The following PALS2 variants were observed in gnomAD, a reference collection of about 807,000 sequenced individuals.
The protein encoded by PALS2 is protein associated with LIN7 2, MAGUK p55 family member.
In PALS2, 27 loss-of-function variants were observed where a neutral mutation model predicts 61.6. The ratio of observed to expected loss-of-function variants is 0.44; its 90% CI spans 0.32 to 0.60. The LOEUF is 0.60. Among genes scored for constraint, PALS2 ranks in the 20% least tolerant of loss-of-function variants. The pLI is 0.05. For missense variants in PALS2, 554 were observed against 639.4 expected (o/e 0.87, Z 1.44); for synonymous variants, 236 against 218.6 (o/e 1.08, Z -0.70).
Position 24,623,694 on chromosome 7 carries a change from G to A in PALS2, c.27G>A (p.Thr9=), listed in dbSNP as rs769635209. The stretch of plus-strand genomic sequence containing the variant: ...TGCAGCAAGTCTTGGAAAACCTTAC[G>A]GAGCTGCCCTCGTCTACTGGAGCAG... The part of the protein sequence containing the change: MQQVLENL[T]ELPSSTGAEE... The change falls in exon 2 of 12, where the codon ACG becomes ACA. Residue 9 remains threonine, a synonymous_variant. Transcript: ENST00000222644. The A allele has an allele frequency of 5.6e-6, 9 of 1,599,532 alleles. No individual in the cohort carries two copies. Among genetic ancestry groups the A allele is most frequent in the Middle Eastern group, 1.7e-4 (1 of 6,026 alleles).
rs1166725364 is a variant in PALS2 at position 24,687,910 on chromosome 7, C to T, written c.*296C>T. 4 of 208,608 alleles carry T rather than the reference C, an allele frequency of 1.9e-5. No individual in the cohort carries two copies. Among genetic ancestry groups the T allele is most frequent in the Non-Finnish European group, 3.8e-5 (4 of 106,392 alleles). The allele number at this position is 208,608 out of a possible 1,614,324, so 12.9% of individuals were successfully genotyped here. A position where few individuals can be genotyped will look rare whatever the true frequency, so the allele number is the denominator to read the frequency against. Reference sequence around the variant, plus strand: ...TATATGTTTTGATTTAGTACCCTTGCCTTTTTCATCAAAGGAATTTTCAAA... The same window carrying T: ...TATATGTTTTGATTTAGTACCCTTGTCTTTTTCATCAAAGGAATTTTCAAA... On this transcript the variant is annotated 3_prime_UTR_variant, in exon 12 of 12. Transcript: ENST00000222644. This position sits in a 1 kb window ranked among gnomAD's most constrained non-coding sequence, Gnocchi z 4.5.
At position 24,692,323 on chromosome 7, in the gene PALS2, C is replaced by T. The variant is rs1788514127; in HGVS notation, c.*4709C>T. 2 of 152,190 alleles carry T rather than the reference C, an allele frequency of 1.3e-5. No homozygotes were observed. Among genetic ancestry groups the T allele is most frequent in the South Asian group, 2.1e-4 (1 of 4,836 alleles). The allele number at this position is 152,190 out of a possible 1,614,324, so 9.4% of individuals were successfully genotyped here. On this transcript the variant is annotated 3_prime_UTR_variant, in exon 12 of 12. Coordinates refer to ENST00000222644, the MANE Select transcript of PALS2 (RefSeq NM_001303037.2). ...CCAAGATCCTAATTCTGACTTCTGA[C>T]TGTGTGATCTTCGATGAAATTTATA...
intron 1 of PALS2, among the ~76,000 whole-genome samples, chr7:24,585,324 C>G (rs1783018914): frequency 6.6e-6 from 1 of 151,948 alleles, no homozygotes; most frequent in Non-Finnish European, 1.5e-5. Context: ...TTGTTTGTAT[C>G]CTCTTTTATT....
chr7:24,574,965 C>T (rs1178982520), intron 1 of PALS2, among the ~76,000 whole-genome samples: 1 of 152,118 alleles, frequency 6.6e-6, no homozygotes, highest in African/African-American at 2.4e-5. Flanking sequence ...ATAGTTATGT[C>T]TTCTGAGGCC....
chr7:24,686,983 A>C (rs1584019598), intron 11 of PALS2, among the ~76,000 whole-genome samples: 1 of 152,220 alleles, frequency 6.6e-6, no homozygotes, highest in South Asian at 2.1e-4. Context: ...CACTTCTAAG[A>C]TTCTCTGATC....
chr7:24,638,317 A>ATGTTCTTTTTTTT (rs1785340072), intron 2 of PALS2, among the ~76,000 whole-genome samples: 1 of 14,254 alleles, frequency 7.0e-5, no homozygotes, highest in Non-Finnish European at 1.1e-4. Context: ...CAATTTCTGT[A>ATGTTCTTTTTTTT]TTTTCTTTTT....
At chr7:24,600,397 T>TA (rs1783676041) in intron 1 of PALS2, among the ~76,000 whole-genome samples, 1 of 152,190 alleles carries the variant, frequency 6.6e-6, no homozygotes, top group Non-Finnish European at 1.5e-5. Flanking sequence ...TAAAATATCT[T>TA]ACATAACAAG....
chr7:24,664,181 C>G (rs1452383866), intron 6 of PALS2, among the ~76,000 whole-genome samples: 5 of 152,126 alleles, frequency 3.3e-5, no homozygotes, highest in Admixed American at 2.6e-4. Flanking sequence ...ATTTGCTCCC[C>G]TCTTCTCAGA....
chr7:24,635,405 T>C (rs1285561317), intron 2 of PALS2, among the ~76,000 whole-genome samples: 1 of 152,238 alleles, frequency 6.6e-6, no homozygotes, highest in Non-Finnish European at 1.5e-5. Context: ...ATCTTATATA[T>C]CTTGCATCCT....
chr7:24,608,205 T>C (rs1381503328), intron 1 of PALS2, among the ~76,000 whole-genome samples: 1 of 152,188 alleles, frequency 6.6e-6, no homozygotes, highest in Non-Finnish European at 1.5e-5. Flanking sequence ...ATAAATGTCA[T>C]GCAGGTTTGA....
rs1475749119 is a variant in PALS2 at position 24,687,533 on chromosome 7, C to A, written c.1542C>A (p.Asp514Glu). ...FDLIIINDNL[D>E]KAFEKLQTAI... ...TGATCATCATAAATGATAATCTAGA[C>A]AAAGCCTTTGAAAAACTGCAAACTG... The change falls in exon 12 of 12, where the codon GAC (aspartate) becomes GAA (glutamate). Residue 514 changes from aspartate (D) to glutamate (E), a missense_variant. Coordinates refer to ENST00000222644, the MANE Select transcript of PALS2 (RefSeq NM_001303037.2). The surrounding 1 kb of genome is among the most constrained non-coding windows in gnomAD (Gnocchi z 4.5). 6.2e-7 allele frequency: 1 copy of A among 1,612,940 alleles called. No homozygotes were observed. Among genetic ancestry groups the A allele is most frequent in the Non-Finnish European group, 8.5e-7 (1 of 1,179,630 alleles).
At position 24,573,595 on chromosome 7, in the gene PALS2, T is replaced by A. The variant is rs1189198621; in HGVS notation, c.-3+2T>A. The stretch of plus-strand genomic sequence containing the variant: ...CGGAGGCGGCTGAGGTGCGAGCCGG[T>A]GAGTTAACTGGACCCCCACGCCGCT... On this transcript the variant is annotated splice_donor_variant, in intron 1 of 11. Transcript: ENST00000222644. LOFTEE classifies it low-confidence loss of function (5UTR_SPLICE). This position sits in a 1 kb window ranked among gnomAD's most constrained non-coding sequence, Gnocchi z 5.3. 1.1e-5 allele frequency: 4 copies of A among 365,374 alleles called. No individual in the cohort carries two copies. The Admixed American group carries it at 1.4e-4, about 13-fold the overall frequency. 22.6% of individuals were successfully genotyped at this position (365,374 alleles called of 1,614,324 possible).
chr7:24,651,384 A>G (rs1299225894), intron 5 of PALS2, among the ~76,000 whole-genome samples: 5 of 152,158 alleles, frequency 3.3e-5, no homozygotes, highest in Non-Finnish European at 7.4e-5. Context: ...CTTAGGTTCA[A>G]ATACCAGTGC....
chr7:24,638,317 A>ATTT (rs1562631729), intron 2 of PALS2, among the ~76,000 whole-genome samples: 12 of 14,254 alleles, frequency 8.4e-4, no homozygotes, highest in Non-Finnish European at 7.6e-4. Context: ...CAATTTCTGT[A>ATTT]TTTTCTTTTT....
chr7:24,672,911 C>T (rs1161106389), intron 9 of PALS2, among the ~76,000 whole-genome samples: 3 of 152,124 alleles, frequency 2.0e-5, no homozygotes, highest in African/African-American at 7.2e-5. Flanking sequence ...TGTCTACTTT[C>T]CTCAACTAGA....
intron 2 of PALS2, among the ~76,000 whole-genome samples, chr7:24,625,299 T>A (rs1784694537): frequency 6.6e-6 from 1 of 152,212 alleles, no homozygotes; most frequent in Non-Finnish European, 1.5e-5. Flanking sequence ...CACTGTTATC[T>A]CCATGTTTAT....
At chr7:24,683,842 A>G (rs1465980736) in intron 11 of PALS2, among the ~76,000 whole-genome samples, 1 of 152,234 alleles carries the variant, frequency 6.6e-6, no homozygotes, top group Non-Finnish European at 1.5e-5. Flanking sequence ...TCAAGATTAC[A>G]GGATTTTTAT....
chr7:24,590,102 G>A (rs1019191903), intron 1 of PALS2, among the ~76,000 whole-genome samples: 5 of 152,110 alleles, frequency 3.3e-5, no homozygotes, highest in African/African-American at 1.2e-4. Flanking sequence ...ATTTCACACA[G>A]TAAGTATTGA....
intron 5 of PALS2, among the ~76,000 whole-genome samples, chr7:24,657,795 C>T (rs1333180571): frequency 6.6e-6 from 1 of 151,966 alleles, no homozygotes; most frequent in Non-Finnish European, 1.5e-5. Context: ...AGATTTTCTC[C>T]AATTTGTTTT....
Sources: gnomAD v4.1 joint callset for allele counts (sites outside exome capture counted in the v4.1 genomes callset) on GRCh38, gnomAD v4.1.1 for gene constraint, Gnocchi (gnomAD v3.1) non-coding constraint, MANE v1.5 for transcripts, NCBI Gene and HGNC (gene_info 2026-07-23, HGNC 2026-07-21) for gene names.